The following PDGFD variants were observed in gnomAD, a reference collection of about 807,000 sequenced individuals.
PDGFD encodes the protein platelet-derived growth factor D.
PDGFD carries 30 observed loss-of-function variants against 44.7 expected under a neutral mutation model. That is an observed-to-expected ratio of 0.67 (90% CI 0.50 to 0.91). The LOEUF is 0.91. Among genes scored for constraint, PDGFD ranks in the 40% least tolerant of loss-of-function variants. The pLI, the probability that PDGFD is intolerant of heterozygous loss-of-function variation, is 0.00. For synonymous variants in PDGFD, 173 were observed against 168.4 expected, an observed-to-expected ratio of 1.03 and a Z score of -0.21; for missense variants, 445 against 457.8, an observed-to-expected ratio of 0.97 and a Z score of 0.25.
At chr11:104,121,503 T>G (rs1171777879) in intron 1 of PDGFD, among the ~76,000 whole-genome samples, 1 of 152,132 alleles carries the variant, frequency 6.6e-6, no homozygotes, top group Middle Eastern at 3.4e-3. Context: ...CTTTCTAAAT[T>G]TTCAACGTAC....
intron 1 of PDGFD, among the ~76,000 whole-genome samples, chr11:104,035,274 A>G (rs970157408): frequency 6.6e-6 from 1 of 152,110 alleles, no homozygotes; most frequent in African/African-American, 2.4e-5. Flanking sequence ...TTATCCACAC[A>G]TTCCACTTTT....
chr11:104,071,344 GTAT>G (rs1274304991), intron 1 of PDGFD, among the ~76,000 whole-genome samples: 2 of 151,134 alleles, frequency 1.3e-5, no homozygotes, highest in African/African-American at 4.9e-5. Context: ...ATGTGTATAT[GTAT>G]TATATTTCTT....
chr11:104,119,050 G>GAT (rs1555055410), intron 1 of PDGFD, among the ~76,000 whole-genome samples: 6 of 7,830 alleles, frequency 7.7e-4, no homozygotes, highest in African/African-American at 1.1e-3. Flanking sequence ...ATAATATATT[G>GAT]ATATATTAAT....
At chr11:103,994,345 C>T (rs189898951) in intron 3 of PDGFD, among the ~76,000 whole-genome samples, 2 of 152,320 alleles carry the variant, frequency 1.3e-5, no homozygotes, top group African/African-American at 4.8e-5. Context: ...AGATGCATCA[C>T]TGAACACATT....
chr11:103,958,839 C>T (rs1377821739), intron 3 of PDGFD, among the ~76,000 whole-genome samples: 1 of 152,120 alleles, frequency 6.6e-6, no homozygotes, highest in Non-Finnish European at 1.5e-5. Context: ...ATGGGAATTA[C>T]AAACAGTATG....
chr11:104,073,649 C>T (rs1348357386), intron 1 of PDGFD, among the ~76,000 whole-genome samples: 1 of 152,132 alleles, frequency 6.6e-6, no homozygotes, highest in Non-Finnish European at 1.5e-5. Flanking sequence ...TGTATTACTC[C>T]ATCAGGGATT....
At chr11:104,091,034 C>T (rs978536400) in intron 1 of PDGFD, among the ~76,000 whole-genome samples, 1 of 152,152 alleles carries the variant, frequency 6.6e-6, no homozygotes, top group Admixed American at 6.6e-5. Flanking sequence ...CTAAAGCATT[C>T]CCAAGGGCCT....
chr11:104,105,618 A>G (rs1224543566), intron 1 of PDGFD, among the ~76,000 whole-genome samples: 1 of 151,344 alleles, frequency 6.6e-6, no homozygotes, highest in Non-Finnish European at 1.5e-5. Context: ...TTTACGTGAC[A>G]TTTTTCTCGG....
At chr11:104,103,462 G>GTGTGTGTATATA (rs1041388346) in intron 1 of PDGFD, among the ~76,000 whole-genome samples, 9 of 133,260 alleles carry the variant, frequency 6.8e-5, no homozygotes, top group African/African-American at 1.7e-4. Context: ...GTGTGTGTGT[G>GTGTGTGTATATA]TATATATATA....
rs1231308957 is a variant in PDGFD at position 104,071,896 on chromosome 11, T to C, written c.125-71641A>G. Among the ~76,000 whole-genome samples the C allele has an allele frequency of 2.6e-5, 4 of 151,944 alleles. No homozygotes were observed. In the East Asian group the frequency reaches 7.7e-4, roughly 29 times the overall value. On this transcript the variant is annotated intron_variant, in intron 1 of 6. Transcript: ENST00000393158. ...TGCCACCTTTATCATATATTCCACG[T>C]GTACTGAGTCTATTTCTAGACTTTC...
chr11:104,124,439 G>A (rs1861816119), intron 1 of PDGFD, among the ~76,000 whole-genome samples: 1 of 152,024 alleles, frequency 6.6e-6, no homozygotes, highest in Admixed American at 6.6e-5. Context: ...GGTCTCAGAA[G>A]ATATTCCTGT....
At chr11:104,128,502 T>C (rs1861871781) in intron 1 of PDGFD, among the ~76,000 whole-genome samples, 1 of 152,104 alleles carries the variant, frequency 6.6e-6, no homozygotes, top group Non-Finnish European at 1.5e-5. Context: ...TCTAGACACA[T>C]AAAAAGGCTG....
intron 3 of PDGFD, among the ~76,000 whole-genome samples, chr11:103,985,212 TA>T (rs1172208191): frequency 1.6e-5 from 2 of 126,008 alleles, no homozygotes; most frequent in Non-Finnish European, 3.4e-5. Flanking sequence ...TACACACACA[TA>T]TTTTTTGAGA....
intron 1 of PDGFD, among the ~76,000 whole-genome samples, chr11:104,028,144 C>T (rs1860073430): frequency 1.3e-5 from 2 of 148,824 alleles, no homozygotes; most frequent in Non-Finnish European, 3.0e-5. Context: ...GAGCCGAGAC[C>T]GTACCACTGC....
chr11:104,093,955 A>G (rs779566125), intron 1 of PDGFD, among the ~76,000 whole-genome samples: 24 of 151,224 alleles, frequency 1.6e-4, no homozygotes, highest in Non-Finnish European at 2.7e-4. Context: ...CTTTTCAGAG[A>G]AAAAAGTCTT....
intron 1 of PDGFD, among the ~76,000 whole-genome samples, chr11:104,131,027 G>T (rs180980847): frequency 6.6e-6 from 1 of 152,078 alleles, no homozygotes; most frequent in South Asian, 2.1e-4. Context: ...TGTAGACAAT[G>T]ATTTTTATCA....
At chr11:103,910,868 C>T (rs1304066253) in intron 6 of PDGFD, among the ~76,000 whole-genome samples, 1 of 152,182 alleles carries the variant, frequency 6.6e-6, no homozygotes, top group Non-Finnish European at 1.5e-5. Flanking sequence ...CTGAGATTGA[C>T]CTGGGATGCT....
chr11:104,139,400 G>A (rs1862052428), intron 1 of PDGFD, among the ~76,000 whole-genome samples: 1 of 152,106 alleles, frequency 6.6e-6, no homozygotes, highest in Admixed American at 6.6e-5. Flanking sequence ...GACAGTTAAT[G>A]GGAAAAGCTG....
chr11:104,072,122 C>T (rs1220187150), intron 1 of PDGFD, among the ~76,000 whole-genome samples: 1 of 151,714 alleles, frequency 6.6e-6, no homozygotes, highest in Non-Finnish European at 1.5e-5. Context: ...GTTTCATTAA[C>T]TATGTTTAGT....
Sources: gnomAD v4.1 joint callset for allele counts (sites outside exome capture counted in the v4.1 genomes callset) on GRCh38, gnomAD v4.1.1 for gene constraint, MANE v1.5 for transcripts, NCBI Gene and HGNC (gene_info 2026-07-23, HGNC 2026-07-21) for gene names.